ADTRP: variants seen among roughly 807,000 people sequenced by gnomAD.
ADTRP encodes androgen-dependent TFPI-regulating protein.
Under a neutral mutation model 27.0 loss-of-function variants are expected in ADTRP, and 20 were observed. That is an observed-to-expected ratio of 0.74 (90% CI 0.52 to 1.08). The LOEUF is 1.08. ADTRP is among the 50% of genes least tolerant of loss of function. The pLI, the probability that ADTRP is intolerant of heterozygous loss-of-function variation, is 0.00. For missense variants in ADTRP, 251 were observed against 275.0 expected (o/e 0.91, Z 0.62); for synonymous variants, 101 against 105.2 (o/e 0.96, Z 0.25).
rs1414136154 is a variant in ADTRP, at chr6:11,778,649, C to T, written c.111G>A (p.Leu37=). The T allele has an allele frequency of 6.2e-7, 1 of 1,614,194 alleles. No individual in the cohort carries two copies. Among genetic ancestry groups the T allele is most frequent in the Non-Finnish European group, 8.5e-7 (1 of 1,180,026 alleles). ...EGKDEVKPKI[L]ANGARWKYMT... is the part of the protein sequence containing the mutation. ...TATATTTCCACCTTGCACCATTTGCCAAGATTTTGGGTTTCACCTCGTCTT... is the reference window on the plus strand; with the variant it reads ...TATATTTCCACCTTGCACCATTTGCTAAGATTTTGGGTTTCACCTCGTCTT... The change falls in exon 1 of 6, where the codon TTG becomes TTA. Residue 37 remains leucine, a synonymous_variant. Coordinates refer to ENST00000414691, the MANE Select transcript of ADTRP (RefSeq NM_032744.4).
chr6:11,760,332 G>A (rs1415997893), intron 3 of ADTRP, among the ~76,000 whole-genome samples: 2 of 152,108 alleles, frequency 1.3e-5, no homozygotes, highest in South Asian at 4.1e-4. Flanking sequence ...GGTCTGACTC[G>A]AGTCCTCTTA....
intron 5 of ADTRP, among the ~76,000 whole-genome samples, chr6:11,718,612 A>T (rs1461657200): frequency 6.6e-6 from 1 of 152,236 alleles, no homozygotes; most frequent in Non-Finnish European, 1.5e-5. Context: ...TGCCAGAGAC[A>T]GCTTCCCCCA....
chr6:11,759,383 C>T (rs916785092), intron 3 of ADTRP, among the ~76,000 whole-genome samples: 1 of 152,210 alleles, frequency 6.6e-6, no homozygotes, highest in Non-Finnish European at 1.5e-5. Context: ...TCTGACCAGC[C>T]ATTCTGAGCT....
intron 3 of ADTRP, among the ~76,000 whole-genome samples, chr6:11,751,407 T>A (rs1179803540): frequency 6.6e-6 from 1 of 152,224 alleles, no homozygotes. Context: ...TCTACTGACA[T>A]GGAGGTCATA....
At chr6:11,776,429 A>C (rs779312908) in intron 1 of ADTRP, among the ~76,000 whole-genome samples, 2 of 152,236 alleles carry the variant, frequency 1.3e-5, no homozygotes, top group Admixed American at 6.5e-5. Context: ...AAGATTAAAA[A>C]AAACTTCTGT....
At chr6:11,765,414 G>A (rs545449634) in intron 3 of ADTRP, among the ~76,000 whole-genome samples, 13 of 135,764 alleles carry the variant, frequency 9.6e-5, no homozygotes, top group East Asian at 4.9e-4. Flanking sequence ...TGCAACCTCC[G>A]CCTCCCAGGT....
At chr6:11,725,536 T>C (rs1393224804) in intron 4 of ADTRP, among the ~76,000 whole-genome samples, 2 of 152,054 alleles carry the variant, frequency 1.3e-5, no homozygotes, top group Non-Finnish European at 2.9e-5. Context: ...AGATAACAAG[T>C]GTTAGTAAGG....
chr6:11,765,323 G>GTTTTTTTT (rs34943978), intron 3 of ADTRP, among the ~76,000 whole-genome samples: 1 of 119,142 alleles, frequency 8.4e-6, no homozygotes, highest in Admixed American at 9.5e-5. Context: ...CCCCTGGTTT[G>GTTTTTTTT]TTTTTTTTTT....
rs911362071 is a variant in ADTRP at position 11,735,679 on chromosome 6, G to C, written c.395C>G (p.Thr132Ser). Residue 132 changes from threonine (T) to serine (S), a missense_variant, in exon 4 of 6, where the codon ACT (threonine) becomes AGT (serine). Coordinates refer to ENST00000414691, the MANE Select transcript of ADTRP (RefSeq NM_032744.4). ...IPVWLNHAMH[T>S]FIFPITLAEV... ...AGCCAATGTGATGGGGAATATGAAA[G>C]TGTGCTGCAGGAGAGAAAATGGCAA... 6.2e-7 allele frequency: 1 copy of C among 1,610,758 alleles called. No individual in the cohort carries two copies. Among genetic ancestry groups the C allele is most frequent in the Non-Finnish European group, 8.5e-7 (1 of 1,177,012 alleles).
At chr6:11,746,709 G>A (rs574333663) in intron 3 of ADTRP, among the ~76,000 whole-genome samples, 2 of 152,334 alleles carry the variant, frequency 1.3e-5, no homozygotes, top group East Asian at 3.9e-4. Context: ...ATGTTGTGGA[G>A]TGGTATTCAG....
rs201547079 is a variant in ADTRP at position 11,770,800 on chromosome 6, C to T, written c.154-2417G>A. On this transcript the variant is annotated intron_variant, in intron 1 of 5. Transcript: ENST00000414691. ...TCCTCTCTCCCTCCCCCACCAGTAGCCTCGCCTCACCCTGGTTTCACTTCC... is the reference window on the plus strand; with the variant it reads ...TCCTCTCTCCCTCCCCCACCAGTAGTCTCGCCTCACCCTGGTTTCACTTCC... 2.6e-4 allele frequency among the ~76,000 whole-genome samples: 40 copies of T among 152,298 alleles called. No individual in the cohort carries two copies. In the East Asian group the frequency reaches 7.5e-3, roughly 29 times the overall value.
At chr6:11,730,267 T>G (rs1483346872) in intron 4 of ADTRP, among the ~76,000 whole-genome samples, 1 of 152,190 alleles carries the variant, frequency 6.6e-6, no homozygotes, top group Non-Finnish European at 1.5e-5. Flanking sequence ...GGGTAAGGAT[T>G]TCTTCTGTGG....
In ADTRP at chr6:11,735,539, TA is replaced by T. The variant is rs1273827650; in HGVS notation, c.506+28del. The T allele has an allele frequency of 5.1e-6, 8 of 1,554,164 alleles. No homozygotes were observed. The African/African-American group carries it at 9.5e-5, about 18-fold the overall frequency. ...CCCTCAGGGTCTTGAACGACAAGCC[TA>T]AGTTGACTTTCTCCATGTAATTCTT... is the stretch of plus-strand genomic sequence containing the variant. On this transcript the variant is annotated intron_variant, in intron 4 of 5. Transcript: ENST00000414691.
intron 5 of ADTRP, among the ~76,000 whole-genome samples, chr6:11,715,801 C>G (rs1435989059): frequency 7.2e-6 from 1 of 138,410 alleles, no homozygotes; most frequent in Non-Finnish European, 1.5e-5. Context: ...CACCACCATG[C>G]CCAGCTTTTT....
chr6:11,715,526 C>T lies in ADTRP; in HGVS notation c.659-1014G>A, dbSNP rs73721799. On this transcript the variant is annotated intron_variant, in intron 5 of 5. Coordinates refer to ENST00000414691, the MANE Select transcript of ADTRP (RefSeq NM_032744.4). ...TTCAAGATCAAAACTCTGTCTTCTT[C>T]GTCTGCTCCTCATCAATCTAGACTA... Among the ~76,000 whole-genome samples, 144 of 152,210 alleles carry T rather than the reference C, an allele frequency of 9.5e-4. 1 individual carries two copies. The highest frequency in any genetic ancestry group is 3.2e-3 in the African/African-American group (134 of 41,528).
chr6:11,746,255 T>C (rs1762862707), intron 3 of ADTRP, among the ~76,000 whole-genome samples: 1 of 152,098 alleles, frequency 6.6e-6, no homozygotes, highest in Non-Finnish European at 1.5e-5. Flanking sequence ...GCCATCAGAG[T>C]ATGGACATCA....
intron 5 of ADTRP, among the ~76,000 whole-genome samples, chr6:11,715,742 C>T (rs979739524): frequency 7.2e-6 from 1 of 139,444 alleles, no homozygotes; most frequent in Non-Finnish European, 1.5e-5. Flanking sequence ...AGCTCCTGGG[C>T]TGAAGTCCTC....
intron 4 of ADTRP, among the ~76,000 whole-genome samples, chr6:11,732,243 C>T (rs757245238): frequency 2.0e-4 from 30 of 152,198 alleles, no homozygotes; most frequent in Non-Finnish European, 4.0e-4. Flanking sequence ...AACATGGTTT[C>T]GGCGGTGAAA....
intron 1 of ADTRP, among the ~76,000 whole-genome samples, chr6:11,778,259 C>G (rs1230009611): frequency 6.6e-6 from 1 of 152,192 alleles, no homozygotes; most frequent in Non-Finnish European, 1.5e-5. Flanking sequence ...ACAGACTTCC[C>G]CAAGCAAAGT....
Sources: gnomAD v4.1 joint callset for allele counts (sites outside exome capture counted in the v4.1 genomes callset) on GRCh38, gnomAD v4.1.1 for gene constraint, MANE v1.5 for transcripts, NCBI Gene and HGNC (gene_info 2026-07-23, HGNC 2026-07-21) for gene names.